PLXDC2: variants seen among roughly 807,000 people sequenced by gnomAD.
PLXDC2 encodes plexin domain-containing protein 2.
In PLXDC2, 40 loss-of-function variants were observed where a neutral mutation model predicts 68.9. The observed-to-expected ratio is 0.58, with a 90% CI of 0.45 to 0.76. The LOEUF (loss-of-function observed/expected upper bound fraction) is 0.76. PLXDC2 is among the 30% of genes least tolerant of loss of function. The probability of loss-of-function intolerance (pLI) is 0.00; values close to 1 mark genes in which losing one functional copy is unlikely to be tolerated. For synonymous variants in PLXDC2, 243 were observed against 234.2 expected (o/e 1.04, Z -0.34); for missense variants, 644 against 661.9 (o/e 0.97, Z 0.30).
In PLXDC2 at chr10:20,229,789, G is replaced by C. The variant is rs1588531304; in HGVS notation, c.1312+10687G>C. 3.3e-5 allele frequency among the ~76,000 whole-genome samples: 5 copies of C among 152,130 alleles called. No homozygotes were observed. In the South Asian group the frequency reaches 1.0e-3, roughly 32 times the overall value. The stretch of plus-strand genomic sequence containing the variant: ...TACTAAGGACAGCAGTTAATTATCT[G>C]AAACTAATTTGTAACAGTTTTGTAA... On this transcript the variant is annotated intron_variant, in intron 12 of 13. Coordinates refer to ENST00000377252, the MANE Select transcript of PLXDC2 (RefSeq NM_032812.9).
intron 3 of PLXDC2, among the ~76,000 whole-genome samples, chr10:20,062,798 A>G (rs1836129250): frequency 6.6e-6 from 1 of 152,150 alleles, no homozygotes; most frequent in Admixed American, 6.5e-5. Context: ...TATTATAGGT[A>G]TATGGTGTTT....
intron 2 of PLXDC2, 61 bp downstream of exon 2, chr10:20,002,047 A>C: frequency 6.7e-7 from 1 of 1,491,836 alleles, no homozygotes; most frequent in South Asian, 1.2e-5. Context: ...TAGGTGCCCA[A>C]CTTTTATATA....
chr10:19,897,374 G>C (rs75642557), intron 1 of PLXDC2, among the ~76,000 whole-genome samples: 3,572 of 152,128 alleles, frequency 0.023, 134 homozygotes, highest in African/African-American at 0.081. Context: ...CCAGTAGCTG[G>C]GATTATAGGC....
chr10:20,095,605 A>T (rs1833339859), intron 4 of PLXDC2, among the ~76,000 whole-genome samples: 1 of 152,150 alleles, frequency 6.6e-6, no homozygotes, highest in Non-Finnish European at 1.5e-5. Context: ...ATTAAGGACT[A>T]GTTCGTGGCA....
intron 4 of PLXDC2, among the ~76,000 whole-genome samples, chr10:20,068,483 A>C (rs1836257066): frequency 6.6e-6 from 1 of 151,704 alleles, no homozygotes; most frequent in Non-Finnish European, 1.5e-5. Flanking sequence ...CTAAATTTTA[A>C]TTCATTTTTG....
intron 1 of PLXDC2, among the ~76,000 whole-genome samples, chr10:19,931,029 C>T (rs1174450941): frequency 6.6e-6 from 1 of 152,148 alleles, no homozygotes; most frequent in Admixed American, 6.5e-5. Context: ...AAAGAAAAGA[C>T]GGTGTGCTTT....
intron 4 of PLXDC2, among the ~76,000 whole-genome samples, chr10:20,136,469 G>C (rs1472821988): frequency 6.6e-6 from 1 of 152,144 alleles, no homozygotes; most frequent in East Asian, 1.9e-4. Flanking sequence ...AGTTGTTCAA[G>C]CAACTTGTCC....
intron 2 of PLXDC2, among the ~76,000 whole-genome samples, chr10:20,025,372 C>A (rs1012110841): frequency 3.3e-4 from 50 of 151,992 alleles, no homozygotes; most frequent in African/African-American, 1.1e-3. Flanking sequence ...CAATGATTCT[C>A]CTGCCTCAAC....
chr10:20,164,194 A>G (rs1177896919), intron 6 of PLXDC2, among the ~76,000 whole-genome samples: 3 of 152,210 alleles, frequency 2.0e-5, no homozygotes, highest in African/African-American at 7.2e-5. Flanking sequence ...GCAGCATCTA[A>G]CATCAATTAT....
chr10:20,143,355 C>G lies in PLXDC2; in HGVS notation c.602C>G (p.Pro201Arg). The change falls in exon 5 of 14, where the codon CCT (proline) becomes CGT (arginine). Residue 201 changes from proline to arginine, a missense_variant. By Grantham distance (103) the Pro-to-Arg change is moderately radical. This residue lies in a region of PLXDC2 where 113 missense variants were observed against 167.1 expected (regional missense o/e 0.68). Transcript: ENST00000377252. ...RMLTATQYIA[P>R]LMANFDPSVS... The stretch of plus-strand genomic sequence containing the variant: ...CTAACAGCCACACAGTACATAGCAC[C>G]TTTAATGGCAAATTTCGATCCCAGT... 6.2e-7 allele frequency: 1 copy of G among 1,613,258 alleles called. No individual in the cohort carries two copies.
chr10:20,072,102 T>A (rs757139474), intron 4 of PLXDC2, among the ~76,000 whole-genome samples: 59 of 151,570 alleles, frequency 3.9e-4, no homozygotes, highest in Non-Finnish European at 6.9e-4. Flanking sequence ...ATCTCAGCAC[T>A]TTAGGAGGCC....
At chr10:19,825,553 T>G (rs186214799) in intron 1 of PLXDC2, among the ~76,000 whole-genome samples, 51 of 152,340 alleles carry the variant, frequency 3.3e-4, no homozygotes, top group African/African-American at 1.2e-3. Context: ...TAGTTACAGA[T>G]ATCTGCTTAC....
intron 2 of PLXDC2, 125 bp from the exon 3 acceptor site, chr10:20,046,744 A>G (rs2131682917): frequency 1.1e-6 from 1 of 910,026 alleles, no homozygotes; most frequent in East Asian, 2.6e-5. Flanking sequence ...CTTCTCCTAG[A>G]GTATAGTTAA....
intron 2 of PLXDC2, among the ~76,000 whole-genome samples, chr10:20,038,579 T>C (rs1173963436): frequency 5.3e-5 from 8 of 152,180 alleles, no homozygotes; most frequent in Non-Finnish European, 1.0e-4. Context: ...TGAAGTCTAT[T>C]CAAAGCTAAT....
At position 20,281,898 on chromosome 10, in the gene PLXDC2, G is replaced by A. The variant is rs188210533; in HGVS notation, c.*2079G>A. The stretch of plus-strand genomic sequence containing the variant: ...TTTCACTACCTTTTGTGGTAGCTGT[G>A]GCTTCCAATAGCAACTGTTTGACAG... On this transcript the variant is annotated 3_prime_UTR_variant, in exon 14 of 14. Coordinates refer to ENST00000377252, the MANE Select transcript of PLXDC2 (RefSeq NM_032812.9). The A allele has an allele frequency of 1.3e-5, 2 of 152,108 alleles. No homozygotes were observed. The highest frequency in any genetic ancestry group is 6.5e-5 in the Admixed American group (1 of 15,272). The allele number at this position is 152,108 out of a possible 1,614,324, so 9.4% of individuals were successfully genotyped here.
chr10:19,966,699 A>G (rs1834269217), intron 1 of PLXDC2, among the ~76,000 whole-genome samples: 2 of 152,178 alleles, frequency 1.3e-5, no homozygotes, highest in African/African-American at 2.4e-5. Flanking sequence ...ACCACTGAAC[A>G]TTAAGCAAGA....
intron 1 of PLXDC2, among the ~76,000 whole-genome samples, chr10:19,849,399 A>G (rs1837073466): frequency 6.6e-6 from 1 of 152,180 alleles, no homozygotes; most frequent in East Asian, 1.9e-4. Context: ...AATATGATAC[A>G]TGATATAGTT....
At chr10:20,029,409 TA>T (rs142673127) in intron 2 of PLXDC2, among the ~76,000 whole-genome samples, 8 of 151,666 alleles carry the variant, frequency 5.3e-5, no homozygotes, top group East Asian at 1.9e-4. Flanking sequence ...GAAATGCTTG[TA>T]AAAAAAATAG....
intron 1 of PLXDC2, among the ~76,000 whole-genome samples, chr10:19,866,170 A>G (rs1448617858): frequency 6.6e-6 from 1 of 152,202 alleles, no homozygotes; most frequent in East Asian, 1.9e-4. Flanking sequence ...TAATTGATTT[A>G]TGTAGTCTTA....
Sources: allele counts gnomAD v4.1 joint callset (sites outside exome capture counted in the v4.1 genomes callset), GRCh38; gene constraint gnomAD v4.1.1; regional missense constraint gnomAD v4.1.1; transcripts MANE v1.5; gene names NCBI Gene and HGNC (gene_info 2026-07-23, HGNC 2026-07-21).